The following EFNB2 variants were observed in gnomAD, a reference collection of about 807,000 sequenced individuals.
EFNB2 encodes ephrin B2.
Under a neutral mutation model 32.1 loss-of-function variants are expected in EFNB2, and 5 were observed. That is an observed-to-expected ratio of 0.16 (90% CI 0.08 to 0.33). The LOEUF (loss-of-function observed/expected upper bound fraction) is 0.33. EFNB2 is among the 10% of genes least tolerant of loss of function. The pLI is 1.00. For missense variants in EFNB2, 263 were observed against 422.6 expected, an observed-to-expected ratio of 0.62 and a Z score of 3.31; for synonymous variants, 168 against 166.5, an observed-to-expected ratio of 1.01 and a Z score of -0.07.
chr13:106,527,484 C>T (rs955900807), intron 1 of EFNB2, among the ~76,000 whole-genome samples: 1 of 152,144 alleles, frequency 6.6e-6, no homozygotes, highest in Non-Finnish European at 1.5e-5. Flanking sequence ...TAGAGAATTA[C>T]TAAGGGCAGA....
At chr13:106,504,247 T>C (rs1566457028) in intron 2 of EFNB2, among the ~76,000 whole-genome samples, 1 of 152,260 alleles carries the variant, frequency 6.6e-6, no homozygotes, top group Non-Finnish European at 1.5e-5. Context: ...ATGATATTAA[T>C]GACCCAGTAA....
chr13:106,512,624 G>C lies in EFNB2; in HGVS notation c.311C>G (p.Pro104Arg), dbSNP rs1488781592. 1 of 1,613,776 alleles carries C rather than the reference G, an allele frequency of 6.2e-7. No individual in the cohort carries two copies. The highest frequency in any genetic ancestry group is 8.5e-7 in the Non-Finnish European group (1 of 1,179,912). Residue 104 changes from proline (P) to arginine (R), a missense_variant, in exon 2 of 5, where the codon CCA becomes CGA. Pro to Arg is a moderately radical substitution (Grantham distance 103, BLOSUM62 -2). This residue lies in a region of EFNB2 where 45 missense variants were observed against 128.6 expected (regional missense o/e 0.35). Coordinates refer to ENST00000646441, the MANE Select transcript of EFNB2 (RefSeq NM_004093.4). ...GATGGTGAATTTGATATCTTGGTCT[G>C]GTTTGGCACAGTTGAGGAGAGGGGT... ...ENTPLLNCAK[P>R]DQDIKFTIKF...
Position 106,492,348 on chromosome 13 carries a change from G to A in EFNB2, c.*692C>T, listed in dbSNP as rs967076582. On this transcript the variant is annotated 3_prime_UTR_variant, in exon 5 of 5. Coordinates refer to ENST00000646441, the MANE Select transcript of EFNB2 (RefSeq NM_004093.4). This position sits in a 1 kb window ranked among gnomAD's most constrained non-coding sequence, Gnocchi z 5.1. ...CTATGAACTCCTAGCCTTCTTCGCAGACAGCCTAGCATCTGGCTAAAGGGC... is the reference window on the plus strand; with the variant it reads ...CTATGAACTCCTAGCCTTCTTCGCAAACAGCCTAGCATCTGGCTAAAGGGC... 1 of 152,180 alleles carries A rather than the reference G, an allele frequency of 6.6e-6. No homozygotes were observed. Among genetic ancestry groups the A allele is most frequent in the African/African-American group, 2.4e-5 (1 of 41,350 alleles). The allele number at this position is 152,180 out of a possible 1,614,324, so 9.4% of individuals were successfully genotyped here.
At chr13:106,534,801 A>G (rs1418091347) in intron 1 of EFNB2, 42 bp downstream of exon 1, 2 of 1,578,188 alleles carry the variant, frequency 1.3e-6, no homozygotes, top group South Asian at 1.1e-5. Context: ...GGCGCGGCGG[A>G]CCCCGGGGCG....
intron 2 of EFNB2, among the ~76,000 whole-genome samples, chr13:106,501,465 G>A (rs9558775): frequency 1.3e-5 from 2 of 152,062 alleles, no homozygotes; most frequent in Non-Finnish European, 2.9e-5. Flanking sequence ...AAAAAATTCA[G>A]CATTACTTCA....
chr13:106,522,318 C>T (rs527288370), intron 1 of EFNB2, among the ~76,000 whole-genome samples: 3 of 152,292 alleles, frequency 2.0e-5, no homozygotes, highest in Admixed American at 6.5e-5. Flanking sequence ...TGCACCTGTA[C>T]GGTCTTGTTC....
chr13:106,493,476 A>G lies in EFNB2; in HGVS notation c.614-48T>C. On this transcript the variant is annotated intron_variant, in intron 4 of 4. Transcript: ENST00000646441. The surrounding 1 kb of genome is among the most constrained non-coding windows in gnomAD (Gnocchi z 6.1). ...GGTCAGAGATAGTTACTGCTGTCCC[A>G]GTGCAGACGGACTGCTTTTATGACC... The G allele has an allele frequency of 6.4e-7, 1 of 1,558,844 alleles. No individual in the cohort carries two copies. The highest frequency in any genetic ancestry group is 8.7e-7 in the Non-Finnish European group (1 of 1,151,152).
chr13:106,511,274 C>A (rs1437886613), intron 2 of EFNB2, among the ~76,000 whole-genome samples: 1 of 152,072 alleles, frequency 6.6e-6, no homozygotes, highest in African/African-American at 2.4e-5. Context: ...GTAAGCTACT[C>A]TATGTATCAA....
Position 106,535,016 on chromosome 13 carries a change from G to C in EFNB2, c.-52C>G. 3.7e-6 allele frequency: 6 copies of C among 1,604,122 alleles called. No individual in the cohort carries two copies. Among genetic ancestry groups the C allele is most frequent in the Non-Finnish European group, 4.3e-6 (5 of 1,175,614 alleles). ...CTCCGGGCCAAGAAGGGACTGACGG[G>C]ACGCAGGCTGGGACCCCCAATCCTC... On this transcript the variant is annotated 5_prime_UTR_variant, in exon 1 of 5. Coordinates refer to ENST00000646441, the MANE Select transcript of EFNB2 (RefSeq NM_004093.4).
chr13:106,531,760 T>G (rs546386722), intron 1 of EFNB2, among the ~76,000 whole-genome samples: 1 of 137,796 alleles, frequency 7.3e-6, no homozygotes, highest in African/African-American at 2.6e-5. Flanking sequence ...TCCAGTATTA[T>G]ATAGGGAAAA....
chr13:106,495,984 G>A (rs1200462495), intron 2 of EFNB2, 144 bp from the exon 3 acceptor site: 5 of 769,894 alleles, frequency 6.5e-6, no homozygotes, highest in East Asian at 5.5e-5. Context: ...GAAAGTATGG[G>A]GATGCTGAAA....
chr13:106,510,544 G>A (rs566215769), intron 2 of EFNB2, among the ~76,000 whole-genome samples: 2 of 152,308 alleles, frequency 1.3e-5, no homozygotes, highest in East Asian at 1.9e-4. Flanking sequence ...AGGGACATGC[G>A]TTCACTGCCC....
chr13:106,534,768 C>A, intron 1 of EFNB2, 75 bp downstream of exon 1: 1 of 1,506,246 alleles, frequency 6.6e-7, no homozygotes, highest in Non-Finnish European at 8.9e-7. Context: ...GCCCCGCGGA[C>A]TGACCCCTCC....
At position 106,493,260 on chromosome 13, in the gene EFNB2, G is replaced by T; in HGVS notation, c.782C>A (p.Pro261Gln). ...KYRRRHRKHS[P>Q]QHTTTLSLST... Reference sequence around the variant, plus strand: ...GAGCGACAGCGTGGTCGTGTGCTGCGGCGAGTGCTTCCTGTGTCTCCTCCG... The same window carrying T: ...GAGCGACAGCGTGGTCGTGTGCTGCTGCGAGTGCTTCCTGTGTCTCCTCCG... Residue 261 changes from proline to glutamine, a missense_variant, in exon 5 of 5, where the codon CCG becomes CAG. Pro to Gln is a moderately conservative substitution (Grantham distance 76). This residue lies in a region of EFNB2 where 172 missense variants were observed against 237.1 expected (regional missense o/e 0.73). Coordinates refer to ENST00000646441, the MANE Select transcript of EFNB2 (RefSeq NM_004093.4). The surrounding 1 kb of genome is among the most constrained non-coding windows in gnomAD (Gnocchi z 6.1). 1 of 1,614,156 alleles carries T rather than the reference G, an allele frequency of 6.2e-7. No homozygotes were observed. The highest frequency in any genetic ancestry group is 8.5e-7 in the Non-Finnish European group (1 of 1,180,028).
At chr13:106,495,925 C>T in intron 2 of EFNB2, 85 bp from the exon 3 acceptor site, 1 of 1,285,292 alleles carries the variant, frequency 7.8e-7, no homozygotes, top group South Asian at 1.4e-5. Context: ...CATGAAATGT[C>T]TGAAAACAAT....
In EFNB2 at chr13:106,492,775, G is replaced by C; in HGVS notation, c.*265C>G. On this transcript the variant is annotated 3_prime_UTR_variant, in exon 5 of 5. Coordinates refer to ENST00000646441, the MANE Select transcript of EFNB2 (RefSeq NM_004093.4). This position sits in a 1 kb window ranked among gnomAD's most constrained non-coding sequence, Gnocchi z 5.1. ...GACCGCAGCACATGGCTTCGAGGAGGAGACGTGGGACGCGGCACAGCAGTC... is the reference window on the plus strand; with the variant it reads ...GACCGCAGCACATGGCTTCGAGGAGCAGACGTGGGACGCGGCACAGCAGTC... The C allele has an allele frequency of 2.6e-6, 1 of 385,464 alleles. No individual in the cohort carries two copies. The highest frequency in any genetic ancestry group is 5.6e-5 in the South Asian group (1 of 17,734). 23.9% of individuals were successfully genotyped at this position (385,464 alleles called of 1,614,324 possible). A position where few individuals can be genotyped will look rare whatever the true frequency, so the allele number is the denominator to read the frequency against.
intron 2 of EFNB2, among the ~76,000 whole-genome samples, chr13:106,496,696 ATT>A (rs11333658): frequency 1.3e-5 from 2 of 149,400 alleles, no homozygotes; most frequent in Admixed American, 1.3e-4. Context: ...CATTTTCAGC[ATT>A]TTTTTTTTCA....
rs1385284425 is a variant in EFNB2 at position 106,496,034 on chromosome 13, A to G, written c.407-194T>C. ...GAAAAAGAAATAAAGAGAAATGGAT[A>G]TCGGAAACACTGCCGCACGTATGCT... On this transcript the variant is annotated intron_variant, in intron 2 of 4. Coordinates refer to ENST00000646441, the MANE Select transcript of EFNB2 (RefSeq NM_004093.4). 2.0e-5 allele frequency among the ~76,000 whole-genome samples: 3 copies of G among 152,328 alleles called. No individual in the cohort carries two copies. The East Asian group carries it at 5.8e-4, about 29-fold the overall frequency.
At chr13:106,498,786 T>C (rs745760509) in intron 2 of EFNB2, among the ~76,000 whole-genome samples, 1 of 152,056 alleles carries the variant, frequency 6.6e-6, no homozygotes, top group Non-Finnish European at 1.5e-5. Flanking sequence ...TTTGGGGGAG[T>C]GTGCTTGCCA....
Sources: allele counts gnomAD v4.1 joint callset (sites outside exome capture counted in the v4.1 genomes callset), GRCh38; gene constraint gnomAD v4.1.1; regional missense constraint gnomAD v4.1.1; non-coding constraint Gnocchi (gnomAD v3.1); transcripts MANE v1.5; gene names NCBI Gene and HGNC (gene_info 2026-07-23, HGNC 2026-07-21).